NINJ2: variants seen among roughly 807,000 people sequenced by gnomAD.
NINJ2 encodes the protein ninjurin-2.
Under a neutral mutation model 11.7 loss-of-function variants are expected in NINJ2, and 12 were observed. The ratio of observed to expected loss-of-function variants is 1.02; its 90% CI spans 0.66 to 1.66. NINJ2 has a LOEUF of 1.66. Among genes scored for constraint, NINJ2 ranks in the 40% most tolerant of loss-of-function variants. The pLI, the probability that NINJ2 is intolerant of heterozygous loss-of-function variation, is 0.00. For missense variants in NINJ2, 187 were observed against 181.8 expected (o/e 1.03, Z -0.16); for synonymous variants, 93 against 76.8 (o/e 1.21, Z -1.10).
chr12:601,867 G>T (rs778213002), intron 1 of NINJ2, among the ~76,000 whole-genome samples: 1 of 152,156 alleles, frequency 6.6e-6, no homozygotes, highest in South Asian at 2.1e-4. Context: ...GATAGAGTGC[G>T]ACTCTGTGTC....
rs774906642 is a variant in NINJ2 at position 578,188 on chromosome 12, C to T, written c.34-12010G>A. 2.6e-5 allele frequency among the ~76,000 whole-genome samples: 4 copies of T among 152,188 alleles called. No individual in the cohort carries two copies. The South Asian group carries it at 8.3e-4, about 32-fold the overall frequency. On this transcript the variant is annotated intron_variant, in intron 1 of 3. Transcript: ENST00000305108. ...TGATTACTCAATCAATCATGACCCT[C>T]TCACGCGGACCCCCTTAAAAGTTGT...
At chr12:624,152 A>G (rs553427829) in intron 1 of NINJ2, among the ~76,000 whole-genome samples, 14 of 152,218 alleles carry the variant, frequency 9.2e-5, no homozygotes, top group Non-Finnish European at 1.5e-4. Context: ...ACAACCTACT[A>G]TGCAAATGAC....
At chr12:638,039 G>GA (rs1438686751) in intron 1 of NINJ2, among the ~76,000 whole-genome samples, 2 of 152,182 alleles carry the variant, frequency 1.3e-5, no homozygotes, top group Non-Finnish European at 2.9e-5. Flanking sequence ...AACAACACTG[G>GA]AAAACAACAA....
intron 1 of NINJ2, among the ~76,000 whole-genome samples, chr12:622,206 G>A (rs890864443): frequency 6.6e-6 from 1 of 151,456 alleles, no homozygotes; most frequent in African/African-American, 2.4e-5. Flanking sequence ...CGGATCATGA[G>A]GTCAGGAGAT....
In NINJ2 at chr12:580,841, T is replaced by C. The variant is rs1947539999; in HGVS notation, c.34-14663A>G. Among the ~76,000 whole-genome samples the C allele has an allele frequency of 6.6e-6, 1 of 151,376 alleles. No individual in the cohort carries two copies. The highest frequency in any genetic ancestry group is 2.4e-5 in the African/African-American group (1 of 40,872). On this transcript the variant is annotated intron_variant, in intron 1 of 3. Coordinates refer to ENST00000305108, the MANE Select transcript of NINJ2 (RefSeq NM_016533.6). This position sits in a 1 kb window ranked among gnomAD's most constrained non-coding sequence, Gnocchi z 4.7. ...ATGCGTGTGTGTCTGTGTGTATGCA[T>C]GTGTGTCTGTGTGTGCATGAGTGTC...
Position 663,309 on chromosome 12 carries a change from T to G in NINJ2, c.33+19A>C, listed in dbSNP as rs1244412273. ...TCTACTCCCGGTCTCCCCTCTGCTCTCTTCCAGAGAGAACTTACTTGAAGG... is the reference window on the plus strand; with the variant it reads ...TCTACTCCCGGTCTCCCCTCTGCTCGCTTCCAGAGAGAACTTACTTGAAGG... On this transcript the variant is annotated intron_variant, in intron 1 of 3. Transcript: ENST00000305108. The G allele has an allele frequency of 6.2e-7, 1 of 1,612,676 alleles. No individual in the cohort carries two copies. Among genetic ancestry groups the G allele is most frequent in the South Asian group, 1.1e-5 (1 of 91,000 alleles).
At chr12:599,314 G>A (rs1947833723) in intron 1 of NINJ2, among the ~76,000 whole-genome samples, 2 of 152,242 alleles carry the variant, frequency 1.3e-5, no homozygotes, top group South Asian at 4.1e-4. Context: ...AACGCGGGAG[G>A]CGGAGGTTGC....
At chr12:619,590 C>T (rs1261909417) in intron 1 of NINJ2, among the ~76,000 whole-genome samples, 1 of 152,194 alleles carries the variant, frequency 6.6e-6, no homozygotes, top group Non-Finnish European at 1.5e-5. Flanking sequence ...CCTGCGGAGT[C>T]CTCCTGGGCC....
chr12:613,391 T>C (rs1948056900), intron 1 of NINJ2, among the ~76,000 whole-genome samples: 1 of 150,518 alleles, frequency 6.6e-6, no homozygotes, highest in South Asian at 2.1e-4. Flanking sequence ...GTGGATCACC[T>C]GAGGTCAGGA....
intron 1 of NINJ2, among the ~76,000 whole-genome samples, chr12:625,060 C>T (rs112388608): frequency 2.7e-5 from 4 of 147,846 alleles, no homozygotes; most frequent in African/African-American, 1.0e-4. Context: ...AGTGATCGTG[C>T]CACTGCACTC....
chr12:656,090 C>T (rs1937868553), intron 1 of NINJ2, among the ~76,000 whole-genome samples: 3 of 151,896 alleles, frequency 2.0e-5, no homozygotes, highest in South Asian at 2.1e-4. Context: ...ACCCGCAGGG[C>T]GTAGTGGCTC....
In NINJ2 at chr12:633,687, T is replaced by A. The variant is rs772032802; in HGVS notation, c.33+29641A>T. Among the ~76,000 whole-genome samples, 2 of 152,084 alleles carry A rather than the reference T, an allele frequency of 1.3e-5. No individual in the cohort carries two copies. The highest frequency in any genetic ancestry group is 2.9e-5 in the Non-Finnish European group (2 of 68,000). ...AAAATTAGCTGAGCGTGGTGCCACA[T>A]GCCTGTAGTCCCAGCTACTCAGGAG... On this transcript the variant is annotated intron_variant, in intron 1 of 3. Coordinates refer to ENST00000305108, the MANE Select transcript of NINJ2 (RefSeq NM_016533.6). This position sits in a 1 kb window ranked among gnomAD's most constrained non-coding sequence, Gnocchi z 4.3.
chr12:587,812 C>T (rs1354745304), intron 1 of NINJ2, among the ~76,000 whole-genome samples: 1 of 152,224 alleles, frequency 6.6e-6, no homozygotes, highest in African/African-American at 2.4e-5. Flanking sequence ...TCGCCGTCCA[C>T]CCAGGAAGCT....
Position 637,973 on chromosome 12 carries a change from T to C in NINJ2, c.33+25355A>G, listed in dbSNP as rs75708251. Among the ~76,000 whole-genome samples, 631 of 152,324 alleles carry C rather than the reference T, an allele frequency of 4.1e-3. 28 individuals are homozygous for C. In the East Asian group the frequency reaches 0.1, roughly 25 times the overall value. Reference sequence around the variant, plus strand: ...AAAAAAAGGGAGTTCTCATTCCAGCTCCTTCAGCAGAGTCACTGTACCTTG... The same window carrying C: ...AAAAAAAGGGAGTTCTCATTCCAGCCCCTTCAGCAGAGTCACTGTACCTTG... On this transcript the variant is annotated intron_variant, in intron 1 of 3. Coordinates refer to ENST00000305108, the MANE Select transcript of NINJ2 (RefSeq NM_016533.6).
At chr12:574,145 T>C (rs1947418149) in intron 1 of NINJ2, among the ~76,000 whole-genome samples, 1 of 151,796 alleles carries the variant, frequency 6.6e-6, no homozygotes, top group Non-Finnish European at 1.5e-5. Context: ...CGCTTGAACC[T>C]GGGAAGGCAG....
chr12:631,127 C>G lies in NINJ2; in HGVS notation c.33+32201G>C, dbSNP rs151284324. 4.1e-3 allele frequency: 628 copies of G among 152,266 alleles called. 1 individual carries two copies. The highest frequency in any genetic ancestry group is 5.7e-3 in the Non-Finnish European group (388 of 68,082). The allele number at this position is 152,266 out of a possible 1,614,324, so 9.4% of individuals were successfully genotyped here. A position where few individuals can be genotyped will look rare whatever the true frequency, so the allele number is the denominator to read the frequency against. On this transcript the variant is annotated intron_variant, in intron 1 of 3. Transcript: ENST00000305108. ...GCCAGCTCATTTTCTATTTCTAACT[C>G]AATGCCAGGCACTGAGCACTGTGCT...
At chr12:604,595 G>A (rs1369942088) in intron 1 of NINJ2, among the ~76,000 whole-genome samples, 6 of 152,094 alleles carry the variant, frequency 3.9e-5, no homozygotes, top group Non-Finnish European at 5.9e-5. Context: ...CTGAGATGGC[G>A]CCACTGCTCT....
intron 1 of NINJ2, among the ~76,000 whole-genome samples, chr12:604,147 G>T (rs1947907376): frequency 6.6e-6 from 1 of 152,170 alleles, no homozygotes; most frequent in Non-Finnish European, 1.5e-5. Flanking sequence ...ATTCCGCACA[G>T]TTCTAGGATC....
intron 1 of NINJ2, among the ~76,000 whole-genome samples, chr12:575,651 G>A (rs1947446429): frequency 6.6e-6 from 1 of 152,172 alleles, no homozygotes; most frequent in Non-Finnish European, 1.5e-5. Context: ...ATCTTCCACA[G>A]GCCTGAGTCT....
Sources: allele counts gnomAD v4.1 joint callset (sites outside exome capture counted in the v4.1 genomes callset), GRCh38; gene constraint gnomAD v4.1.1; non-coding constraint Gnocchi (gnomAD v3.1); transcripts MANE v1.5; gene names NCBI Gene and HGNC (gene_info 2026-07-23, HGNC 2026-07-21).